The following SULT2B1 variants were observed in gnomAD, a reference collection of about 807,000 sequenced individuals.
The protein encoded by SULT2B1 is sulfotransferase family 2B member 1, also known as sulfotransferase 2B1.
A neutral mutation model predicts 33.2 loss-of-function variants in SULT2B1; 16 were observed. That is an observed-to-expected ratio of 0.48 (90% CI 0.33 to 0.73). SULT2B1 has a LOEUF of 0.73. Among genes scored for constraint, SULT2B1 ranks in the 30% least tolerant of loss-of-function variants. The pLI is 0.02. For synonymous variants in SULT2B1, 186 were observed against 200.5 expected (o/e 0.93, Z 0.61); for missense variants, 500 against 506.0 (o/e 0.99, Z 0.11).
At chr19:48,578,749 T>G (rs1973446479) in intron 2 of SULT2B1, among the ~76,000 whole-genome samples, 1 of 151,766 alleles carries the variant, frequency 6.6e-6, no homozygotes, top group South Asian at 2.1e-4. Flanking sequence ...TGGTGGTGCG[T>G]GCCTGTAATC....
chr19:48,587,244 T>C lies in SULT2B1; in HGVS notation c.230T>C (p.Ile77Thr). The C allele has an allele frequency of 1.2e-6, 2 of 1,612,434 alleles. No homozygotes were observed. The highest frequency in any genetic ancestry group is 1.1e-5 in the South Asian group (1 of 90,982). ...TYPKSGTTWM[I>T]EIICLILKEG... The stretch of plus-strand genomic sequence containing the variant: ...CTCCCAACAGGCACGACCTGGATGA[T>C]CGAGATCATCTGCTTAATCCTGAAG... Residue 77 changes from isoleucine (I) to threonine (T), a missense_variant, in exon 3 of 7, where the codon ATC (isoleucine) becomes ACC (threonine). By Grantham distance (89) the Ile-to-Thr change is moderately conservative. Coordinates refer to ENST00000201586, the MANE Select transcript of SULT2B1 (RefSeq NM_177973.2).
chr19:48,568,491 C>T (rs1002163941), intron 1 of SULT2B1, among the ~76,000 whole-genome samples: 1 of 152,042 alleles, frequency 6.6e-6, no homozygotes, highest in Non-Finnish European at 1.5e-5. Flanking sequence ...GCCAGTCACA[C>T]TCCTGCCAAG....
intron 1 of SULT2B1, among the ~76,000 whole-genome samples, chr19:48,556,961 A>AG (rs1973107120): frequency 6.6e-6 from 1 of 151,526 alleles, no homozygotes; most frequent in South Asian, 2.1e-4. Flanking sequence ...AAAAAAAAAA[A>AG]GTTGTCCTAG....
At chr19:48,578,979 C>T (rs1161567151) in intron 2 of SULT2B1, among the ~76,000 whole-genome samples, 1 of 152,058 alleles carries the variant, frequency 6.6e-6, no homozygotes, top group African/African-American at 2.4e-5. Flanking sequence ...TATCCCCTCC[C>T]CCCTGGGCCC....
chr19:48,576,738 C>T (rs572053659), intron 2 of SULT2B1, among the ~76,000 whole-genome samples: 173 of 149,760 alleles, frequency 1.2e-3, no homozygotes, highest in African/African-American at 4.1e-3. Flanking sequence ...CTCCTGGACT[C>T]ACATGATCCG....
chr19:48,580,865 G>A (rs1241399408), intron 2 of SULT2B1, among the ~76,000 whole-genome samples: 1 of 151,504 alleles, frequency 6.6e-6, no homozygotes. Context: ...GCCTCCCAAA[G>A]TGCTGGGATT....
rs1302609926 is a variant in SULT2B1 at position 48,592,624 on chromosome 19, G to T, written c.551-98G>T. The stretch of plus-strand genomic sequence containing the variant: ...CATCCAGCTCTGGGGGCTGGACCTG[G>T]GGGTTTGTGGGGCACAGCTAGTTAG... On this transcript the variant is annotated intron_variant, in intron 4 of 6. Transcript: ENST00000201586. 23 of 1,034,656 alleles carry T rather than the reference G, an allele frequency of 2.2e-5. No individual in the cohort carries two copies. In the East Asian group the frequency reaches 6.0e-4, roughly 27 times the overall value. 64.1% of individuals were successfully genotyped at this position (1,034,656 alleles called of 1,614,324 possible).
chr19:48,571,397 A>G (rs1036126759), intron 1 of SULT2B1, among the ~76,000 whole-genome samples: 2 of 151,318 alleles, frequency 1.3e-5, no homozygotes, highest in Admixed American at 1.3e-4. Flanking sequence ...GGGTTTCACC[A>G]TGTTGGCCAG....
At chr19:48,587,175 T>A in intron 2 of SULT2B1, 54 bp from the exon 3 acceptor site, 1 of 1,277,574 alleles carries the variant, frequency 7.8e-7, no homozygotes, top group Non-Finnish European at 1.1e-6. Context: ...TCTGATGATA[T>A]CTCCCTCTTC....
At chr19:48,572,084 G>A (rs4011542) in intron 1 of SULT2B1, among the ~76,000 whole-genome samples, 98,140 of 151,790 alleles carry the variant, frequency 0.65, 32,498 homozygotes, top group African/African-American at 0.75. Flanking sequence ...GTTTCTGTAC[G>A]GGTGGCTCCC....
chr19:48,584,545 G>C (rs1973538438), intron 2 of SULT2B1, among the ~76,000 whole-genome samples: 1 of 152,178 alleles, frequency 6.6e-6, no homozygotes, highest in Non-Finnish European at 1.5e-5. Context: ...AAACGGCAGA[G>C]AGGCATGAAG....
chr19:48,563,198 T>C (rs1973202620), intron 1 of SULT2B1, among the ~76,000 whole-genome samples: 1 of 152,108 alleles, frequency 6.6e-6, no homozygotes, highest in South Asian at 2.1e-4. Flanking sequence ...TACAGGGGAC[T>C]GAGCCACCGC....
At chr19:48,581,550 C>T (rs1227328849) in intron 2 of SULT2B1, among the ~76,000 whole-genome samples, 1 of 147,472 alleles carries the variant, frequency 6.8e-6, no homozygotes, top group Admixed American at 6.9e-5. Context: ...AGCTGCCTCC[C>T]AGGTTCACGC....
At chr19:48,562,546 T>C (rs1211084348) in intron 1 of SULT2B1, among the ~76,000 whole-genome samples, 2 of 152,148 alleles carry the variant, frequency 1.3e-5, no homozygotes, top group Non-Finnish European at 2.9e-5. Flanking sequence ...AGTGAGACTA[T>C]GTCTCAAAAT....
intron 2 of SULT2B1, among the ~76,000 whole-genome samples, chr19:48,586,851 C>A (rs1326827342): frequency 4.6e-5 from 7 of 152,150 alleles, no homozygotes; most frequent in African/African-American, 1.7e-4. Context: ...TGGCTCACAG[C>A]TGTAATCCCA....
At position 48,597,336 on chromosome 19, in the gene SULT2B1, TC is replaced by T. The variant is rs1357663091; in HGVS notation, c.826+418del. ...ACTCCATGACTCAAAACACGTTTAC[TC>T]TTTTTTTTTTTTTTTTTTTTGAAAG... On this transcript the variant is annotated intron_variant, in intron 6 of 6. Coordinates refer to ENST00000201586, the MANE Select transcript of SULT2B1 (RefSeq NM_177973.2). Among the ~76,000 whole-genome samples the T allele has an allele frequency of 1.4e-4, 14 of 102,020 alleles. No homozygotes were observed. In the Admixed American group the frequency reaches 1.8e-3, roughly 13 times the overall value. 66.9% of individuals were successfully genotyped at this position (102,020 alleles called of 152,430 possible).
At position 48,599,414 on chromosome 19, in the gene SULT2B1, G is replaced by A. The variant is rs371715853; in HGVS notation, c.*8G>A. 66 of 1,549,564 alleles carry A rather than the reference G, an allele frequency of 4.3e-5. No homozygotes were observed. Among genetic ancestry groups the A allele is most frequent in the East Asian group, 4.9e-5 (2 of 41,084 alleles). ...CACCCACGACCCTCATAATAAACAC[G>A]TCGATTCTGTCCAGGTTCCTTGATG... is the stretch of plus-strand genomic sequence containing the variant. On this transcript the variant is annotated 3_prime_UTR_variant, in exon 7 of 7. Coordinates refer to ENST00000201586, the MANE Select transcript of SULT2B1 (RefSeq NM_177973.2). This position sits in a 1 kb window ranked among gnomAD's most constrained non-coding sequence, Gnocchi z 4.1.
intron 1 of SULT2B1, among the ~76,000 whole-genome samples, chr19:48,563,396 C>T (rs1010649601): frequency 2.6e-5 from 4 of 152,004 alleles, no homozygotes; most frequent in African/African-American, 9.7e-5. Context: ...TGGAAACCGC[C>T]GAGGTGTCCA....
At chr19:48,574,829 C>T (rs138736915) in intron 1 of SULT2B1, among the ~76,000 whole-genome samples, 9 of 152,304 alleles carry the variant, frequency 5.9e-5, no homozygotes, top group Non-Finnish European at 1.2e-4. Context: ...TACCTCACTG[C>T]GCCTGCCCAC....
Sources: allele counts gnomAD v4.1 joint callset (sites outside exome capture counted in the v4.1 genomes callset), GRCh38; gene constraint gnomAD v4.1.1; non-coding constraint Gnocchi (gnomAD v3.1); transcripts MANE v1.5; gene names NCBI Gene and HGNC (gene_info 2026-07-23, HGNC 2026-07-21).